Variants in APOL1 observed in about 807,000 individuals in gnomAD.
APOL1 encodes the protein apolipoprotein L 1.
APOL1 carries 17 observed loss-of-function variants against 14.9 expected under a neutral mutation model. The observed-to-expected ratio is 1.14, with a 90% CI of 0.78 to 1.71. APOL1 has a LOEUF of 1.71. Ranked by LOEUF, APOL1 falls within the 40% of genes most tolerant of loss-of-function variation. APOL1 has a pLI of 0.00. For synonymous variants in APOL1, 195 were observed against 184.8 expected (o/e 1.05, Z -0.45); for missense variants, 523 against 485.9 (o/e 1.08, Z -0.72).
At chr22:36,259,044 T>C (rs1375431093) in intron 4 of APOL1, among the ~76,000 whole-genome samples, 1 of 152,204 alleles carries the variant, frequency 6.6e-6, no homozygotes, top group Non-Finnish European at 1.5e-5. Context: ...CTGGAGTTCT[T>C]GTTTCTTCTG....
chr22:36,255,007 T>C lies in APOL1; in HGVS notation c.44+8T>C, dbSNP rs761197496. On this transcript the variant is annotated splice_region_variant and intron_variant, in intron 2 of 5. Coordinates refer to ENST00000397278, the MANE Select transcript of APOL1 (RefSeq NM_003661.4). ...CTCTGTCCTCTGCATCTGGTGAGCT[T>C]GGCTCAGAGCCCTGAGGCGGGAGGG... 5 of 1,612,960 alleles carry C rather than the reference T, an allele frequency of 3.1e-6. No homozygotes were observed. The highest frequency in any genetic ancestry group is 1.1e-5 in the South Asian group (1 of 91,062).
rs752361906 is a variant in APOL1, at chr22:36,257,319, G to A, written c.99G>A (p.Arg33=). 2 of 1,614,072 alleles carry A rather than the reference G, an allele frequency of 1.2e-6. No individual in the cohort carries two copies. The highest frequency in any genetic ancestry group is 1.1e-5 in the South Asian group (1 of 91,080). The part of the protein sequence containing the change: ...VGVRAEEAGA[R]VQQNVPSGTD... ...CACAATTTGTTTTCTCCTCCTCAAG[G>A]GTGCAACAAAACGTTCCAAGTGGGA... The change falls in exon 4 of 6, where the codon AGG becomes AGA. Residue 33 remains arginine (R), a splice_region_variant and synonymous_variant. Coordinates refer to ENST00000397278, the MANE Select transcript of APOL1 (RefSeq NM_003661.4).
Position 36,266,215 on chromosome 22 carries a change from C to A in APOL1, c.*182C>A. The A allele has an allele frequency of 1.6e-6, 1 of 637,416 alleles. No individual in the cohort carries two copies. Among genetic ancestry groups the A allele is most frequent in the Non-Finnish European group, 2.6e-6 (1 of 391,202 alleles). 39.5% of individuals were successfully genotyped at this position (637,416 alleles called of 1,614,324 possible). A position where few individuals can be genotyped will look rare whatever the true frequency, so the allele number is the denominator to read the frequency against. ...AAGCGATTCTCCTGCCTTGGCCTCC[C>A]AAGTAGCTGGGACTACAGGCGCCTA... is the stretch of plus-strand genomic sequence containing the variant. On this transcript the variant is annotated 3_prime_UTR_variant, in exon 6 of 6. Coordinates refer to ENST00000397278, the MANE Select transcript of APOL1 (RefSeq NM_003661.4).
intron 5 of APOL1, among the ~76,000 whole-genome samples, chr22:36,262,454 T>C (rs761189531): frequency 1.9e-4 from 29 of 152,138 alleles, no homozygotes; most frequent in African/African-American, 5.3e-4. Flanking sequence ...GTGAAGGCCT[T>C]AGAGGCAACT....
At chr22:36,263,143 T>C (rs1360768922) in intron 5 of APOL1, among the ~76,000 whole-genome samples, 1 of 152,066 alleles carries the variant, frequency 6.6e-6, no homozygotes, top group Non-Finnish European at 1.5e-5. Flanking sequence ...ACCTGGAAGG[T>C]TGGGGGTGCA....
chr22:36,262,225 G>T (rs994643316), intron 5 of APOL1, among the ~76,000 whole-genome samples: 1 of 152,168 alleles, frequency 6.6e-6, no homozygotes, highest in Non-Finnish European at 1.5e-5. Context: ...GTGTTCCTGG[G>T]GATGCTGGCT....
rs553743544 is a variant in APOL1, at chr22:36,266,754, A to C, written c.*721A>C. 9 of 329,626 alleles carry C rather than the reference A, an allele frequency of 2.7e-5. No individual in the cohort carries two copies. The highest frequency in any genetic ancestry group is 3.3e-4 in the South Asian group (2 of 6,124). The allele number at this position is 329,626 out of a possible 1,614,324, so 20.4% of individuals were successfully genotyped here. A position where few individuals can be genotyped will look rare whatever the true frequency, so the allele number is the denominator to read the frequency against. On this transcript the variant is annotated 3_prime_UTR_variant, in exon 6 of 6. Coordinates refer to ENST00000397278, the MANE Select transcript of APOL1 (RefSeq NM_003661.4). ...CCCCGTCTCTACTAAAAATACAAAA[A>C]ATTAGCCGGGCATGGTGGCGGGCGC...
At chr22:36,256,613 CA>C (rs1284875012) in intron 2 of APOL1, among the ~76,000 whole-genome samples, 2 of 152,130 alleles carry the variant, frequency 1.3e-5, no homozygotes, top group African/African-American at 4.8e-5. Context: ...AGTGCAGCAC[CA>C]GTGAATTCAC....
Position 36,264,810 on chromosome 22 carries a change from C to CTT in APOL1, c.315-322_315-321dup, listed in dbSNP as rs368899919. Among the ~76,000 whole-genome samples, 180 of 120,414 alleles carry CTT rather than the reference C, an allele frequency of 1.5e-3. 1 individual carries two copies. The highest frequency in any genetic ancestry group is 8.6e-3 in the East Asian group (38 of 4,438). The allele number at this position is 120,414 out of a possible 152,430, so 79.0% of individuals were successfully genotyped here. On this transcript the variant is annotated intron_variant, in intron 5 of 5. Coordinates refer to ENST00000397278, the MANE Select transcript of APOL1 (RefSeq NM_003661.4). ...TTTCACAGACAGGGAAACTGCATTTCTTTTTTTTTTTTTTTTTTTTGAGTT... is the reference window on the plus strand; with the variant it reads ...TTTCACAGACAGGGAAACTGCATTTCTTTTTTTTTTTTTTTTTTTTTTGAGTT...
chr22:36,263,396 C>A (rs139776397), intron 5 of APOL1, among the ~76,000 whole-genome samples: 16 of 152,368 alleles, frequency 1.1e-4, no homozygotes, highest in Non-Finnish European at 1.9e-4. Context: ...TGTCTGAGGG[C>A]ACCCTTACCT....
At chr22:36,259,647 ATGATCTG>A (rs1439161513) in intron 4 of APOL1, 1 of 1,277,752 alleles carries the variant, frequency 7.8e-7, no homozygotes, top group Non-Finnish European at 1.0e-6. Flanking sequence ...CCAAAACAAG[ATGATCTG>A]TGGTTTAATA....
intron 1 of APOL1, among the ~76,000 whole-genome samples, chr22:36,254,457 C>T (rs1362596722): frequency 6.6e-6 from 1 of 152,160 alleles, no homozygotes. Flanking sequence ...GTCCCAGCTA[C>T]TCAGAAGGTT....
At chr22:36,259,810 C>A in intron 4 of APOL1, 1 of 1,304,264 alleles carries the variant, frequency 7.7e-7, no homozygotes, top group Non-Finnish European at 1.0e-6. Context: ...CCCTCCACTG[C>A]CCATCTGAGA....
intron 5 of APOL1, among the ~76,000 whole-genome samples, chr22:36,262,467 A>G (rs1004717056): frequency 1.1e-4 from 16 of 152,212 alleles, no homozygotes; most frequent in African/African-American, 3.4e-4. Context: ...AGGCAACTCC[A>G]GGTCAAAGGT....
intron 4 of APOL1, among the ~76,000 whole-genome samples, chr22:36,259,440 G>A (rs1356194754): frequency 1.3e-5 from 2 of 152,180 alleles, no homozygotes; most frequent in Non-Finnish European, 2.9e-5. Context: ...TTCCTCAGGA[G>A]GGCTTCCTCC....
Position 36,265,162 on chromosome 22 carries a change from A to G in APOL1, c.326A>G (p.Asp109Gly). 6.2e-7 allele frequency: 1 copy of G among 1,614,112 alleles called. No homozygotes were observed. The change falls in exon 6 of 6, where the codon GAT becomes GGT. Residue 109 changes from aspartate to glycine, a missense_variant. By Grantham distance (94) the Asp-to-Gly change is moderately conservative. Coordinates refer to ENST00000397278, the MANE Select transcript of APOL1 (RefSeq NM_003661.4). ...CTTTCCTTGTGCAGGAATGAGGCAG[A>G]TGAGCTCCGTAAAGCTCTGGACAAC... Reference protein sequence around the residue: ...AAAELPRNEADELRKALDNLA... With the variant: ...AAAELPRNEAGELRKALDNLA...
chr22:36,261,569 A>C (rs2016072807), intron 4 of APOL1, 27 bp from the exon 5 acceptor site: 32 of 1,607,068 alleles, frequency 2.0e-5, no homozygotes, highest in Non-Finnish European at 2.7e-5. Flanking sequence ...CTTTCCTCCA[A>C]CCTTATCCTT....
intron 5 of APOL1, among the ~76,000 whole-genome samples, chr22:36,264,322 G>A (rs73403883): frequency 3.2e-3 from 488 of 152,172 alleles, no homozygotes; most frequent in Middle Eastern, 0.014. Context: ...ATTCCTATAC[G>A]GTCCCGTGGC....
At chr22:36,258,699 T>G (rs2015973389) in intron 4 of APOL1, among the ~76,000 whole-genome samples, 1 of 152,186 alleles carries the variant, frequency 6.6e-6, no homozygotes, top group Non-Finnish European at 1.5e-5. Context: ...TTCTTGTCTT[T>G]GCTGGTTTAT....
Sources: gnomAD v4.1 joint callset for allele counts (sites outside exome capture counted in the v4.1 genomes callset) on GRCh38, gnomAD v4.1.1 for gene constraint, MANE v1.5 for transcripts, NCBI Gene and HGNC (gene_info 2026-07-23, HGNC 2026-07-21) for gene names.